DDAH1: variants seen among roughly 807,000 people sequenced by gnomAD.
DDAH1 encodes the protein N(G),N(G)-dimethylarginine dimethylaminohydrolase 1.
DDAH1 carries 19 observed loss-of-function variants against 28.8 expected under a neutral mutation model. The ratio of observed to expected loss-of-function variants is 0.66; its 90% CI spans 0.46 to 0.97. DDAH1 has a LOEUF of 0.97. Among genes scored for constraint, DDAH1 ranks in the 50% least tolerant of loss-of-function variants. DDAH1 has a pLI of 0.00. For synonymous variants in DDAH1, 153 were observed against 154.4 expected (o/e 0.99, Z 0.07); for missense variants, 326 against 375.9 (o/e 0.87, Z 1.10).
At chr1:85,553,145 G>T (rs1352504598) in intron 1 of DDAH1, among the ~76,000 whole-genome samples, 2 of 152,048 alleles carry the variant, frequency 1.3e-5, no homozygotes, top group African/African-American at 4.8e-5. Flanking sequence ...CCCTACCAAG[G>T]TACCAGATGT....
intron 1 of DDAH1, among the ~76,000 whole-genome samples, chr1:85,406,217 T>G (rs1652396444): frequency 6.6e-6 from 1 of 152,240 alleles, no homozygotes; most frequent in African/African-American, 2.4e-5. Context: ...CAAAAGCTTC[T>G]TTTAGAATAT....
At chr1:85,421,135 AT>A (rs1278068039) in intron 1 of DDAH1, among the ~76,000 whole-genome samples, 2 of 152,212 alleles carry the variant, frequency 1.3e-5, no homozygotes, top group African/African-American at 4.8e-5. Context: ...TAAACCATTC[AT>A]GGGAAAATTG....
At chr1:85,519,967 T>C (rs1233780618) in intron 1 of DDAH1, among the ~76,000 whole-genome samples, 2 of 136,818 alleles carry the variant, frequency 1.5e-5, no homozygotes, top group African/African-American at 2.5e-5. Context: ...ATTCTTTTTT[T>C]TCCCCTTTAT....
chr1:85,492,894 T>C (rs1410666500), intron 2 of DDAH1, among the ~76,000 whole-genome samples: 4 of 152,168 alleles, frequency 2.6e-5, no homozygotes, highest in Admixed American at 6.5e-5. Flanking sequence ...CATTAGACTA[T>C]GAGTGCTTTG....
intron 1 of DDAH1, among the ~76,000 whole-genome samples, chr1:85,385,543 T>C (rs1298322691): frequency 6.6e-6 from 1 of 152,212 alleles, no homozygotes; most frequent in African/African-American, 2.4e-5. Context: ...CACAAGGCCT[T>C]AATCAAGGCA....
chr1:85,525,400 C>A (rs1454856), intron 1 of DDAH1, among the ~76,000 whole-genome samples: 79,770 of 151,994 alleles, frequency 0.52, 21,792 homozygotes, highest in Non-Finnish European at 0.59. Flanking sequence ...AGGACATGTC[C>A]TCTGGCTCAT....
chr1:85,500,146 CTTT>C (rs796887168), intron 1 of DDAH1, among the ~76,000 whole-genome samples: 44,640 of 97,940 alleles, frequency 0.46, 8,168 homozygotes, highest in South Asian at 0.56. Context: ...TTCTTTCTTT[CTTT>C]TCTTTCTTTC....
At chr1:85,447,670 T>G (rs967308443) in intron 1 of DDAH1, 3 of 152,196 alleles carry the variant, frequency 2.0e-5, no homozygotes, top group African/African-American at 7.2e-5. Context: ...TAGCTCCCGT[T>G]TACTTCCAAG....
intron 1 of DDAH1, among the ~76,000 whole-genome samples, chr1:85,378,383 C>G (rs1223830395): frequency 1.3e-5 from 2 of 152,080 alleles, no homozygotes; most frequent in Non-Finnish European, 2.9e-5. Flanking sequence ...AGTACCCTCT[C>G]TATGGAACCT....
chr1:85,381,575 C>T (rs1650995249), intron 1 of DDAH1, among the ~76,000 whole-genome samples: 2 of 151,756 alleles, frequency 1.3e-5, no homozygotes, highest in African/African-American at 2.4e-5. Context: ...ATGGGAATTC[C>T]GCTGTCATCC....
intron 1 of DDAH1, among the ~76,000 whole-genome samples, chr1:85,560,065 G>A (rs1428662870): frequency 2.6e-5 from 4 of 151,932 alleles, no homozygotes; most frequent in African/African-American, 9.7e-5. Flanking sequence ...AGCAGCCAGA[G>A]AGAAAAAGAC....
intron 1 of DDAH1, among the ~76,000 whole-genome samples, chr1:85,371,197 A>G (rs894438696): frequency 6.6e-6 from 1 of 152,184 alleles, no homozygotes; most frequent in Non-Finnish European, 1.5e-5. Flanking sequence ...TGCCATCTAG[A>G]TCAAAGGTCT....
At chr1:85,413,955 T>C (rs1158607842) in intron 1 of DDAH1, among the ~76,000 whole-genome samples, 3 of 152,260 alleles carry the variant, frequency 2.0e-5, no homozygotes, top group Non-Finnish European at 4.4e-5. Flanking sequence ...ATTTTAGATA[T>C]TGTTTAAAAC....
chr1:85,445,419 T>C (rs1654389048), intron 1 of DDAH1, among the ~76,000 whole-genome samples: 1 of 152,110 alleles, frequency 6.6e-6, no homozygotes, highest in African/African-American at 2.4e-5. Flanking sequence ...TACTAGACAG[T>C]GCCTTAAGAT....
At chr1:85,342,782 T>A (rs1462660102) in intron 4 of DDAH1, among the ~76,000 whole-genome samples, 2 of 152,182 alleles carry the variant, frequency 1.3e-5, no homozygotes, top group Non-Finnish European at 2.9e-5. Flanking sequence ...GTTGCAGATA[T>A]CCTTGAAAGC....
At chr1:85,562,524 G>A (rs1659170164) in intron 1 of DDAH1, among the ~76,000 whole-genome samples, 2 of 152,206 alleles carry the variant, frequency 1.3e-5, no homozygotes, top group South Asian at 4.1e-4. Context: ...ACAAAGTTAA[G>A]ATGAGGTCAT....
intron 1 of DDAH1, among the ~76,000 whole-genome samples, chr1:85,437,286 T>C (rs577424209): frequency 5.3e-5 from 8 of 152,288 alleles, no homozygotes; most frequent in East Asian, 1.9e-4. Context: ...CTCTAGTTAG[T>C]TATCCGAGTC....
intron 1 of DDAH1, among the ~76,000 whole-genome samples, chr1:85,540,367 A>G (rs1658435652): frequency 6.6e-6 from 1 of 152,130 alleles, no homozygotes; most frequent in Non-Finnish European, 1.5e-5. Context: ...TACATGCCCA[A>G]AGACAACCAG....
intron 4 of DDAH1, among the ~76,000 whole-genome samples, chr1:85,327,845 A>C (rs921986941): frequency 6.6e-6 from 1 of 152,250 alleles, no homozygotes. Flanking sequence ...TTAAATGTGT[A>C]ATAAAAGTCG....
Sources: allele counts gnomAD v4.1 joint callset (sites outside exome capture counted in the v4.1 genomes callset), GRCh38; gene constraint gnomAD v4.1.1; transcripts MANE v1.5; gene names NCBI Gene and HGNC (gene_info 2026-07-23, HGNC 2026-07-21).